LPIN1: variants seen among roughly 807,000 people sequenced by gnomAD.
LPIN1 encodes the protein lipin 1.
Under a neutral mutation model 107.5 loss-of-function variants are expected in LPIN1, and 71 were observed. That is an observed-to-expected ratio of 0.66 (90% confidence interval 0.55 to 0.80). The LOEUF (loss-of-function observed/expected upper bound fraction) is 0.80, where lower values mean the gene tolerates loss of function less well. Ranked by LOEUF, LPIN1 falls within the 30% of genes least tolerant of loss-of-function variation. The probability of loss-of-function intolerance (pLI) is 0.00; values close to 1 mark genes in which losing one functional copy is unlikely to be tolerated. For missense variants in LPIN1, 1,043 were observed against 1,160.6 expected, an observed-to-expected ratio of 0.90 and a Z score of 1.47; for synonymous variants, 445 against 452.6, an observed-to-expected ratio of 0.98 and a Z score of 0.21.
intron 1 of LPIN1, among the ~76,000 whole-genome samples, chr2:11,713,486 A>G (rs1663534229): frequency 6.6e-6 from 1 of 152,088 alleles, no homozygotes; most frequent in Admixed American, 6.5e-5. Context: ...GGCCAGGCTG[A>G]TCTCAAACTC....
intron 17 of LPIN1, among the ~76,000 whole-genome samples, chr2:11,813,961 A>G (rs1466871952): frequency 1.3e-5 from 2 of 152,184 alleles, no homozygotes; most frequent in Non-Finnish European, 2.9e-5. Context: ...TGCTAACGCA[A>G]TAAAGTTGTG....
At chr2:11,724,738 G>C (rs1345022249) in intron 1 of LPIN1, 1 of 698,638 alleles carries the variant, frequency 1.4e-6, no homozygotes, top group East Asian at 1.3e-4. Flanking sequence ...CTCAGGCCCT[G>C]GCTTGCTGAA....
intron 1 of LPIN1, among the ~76,000 whole-genome samples, chr2:11,748,005 C>T (rs1433208713): frequency 2.0e-5 from 3 of 152,182 alleles, no homozygotes; most frequent in African/African-American, 2.4e-5. Context: ...ACCCAGGTCT[C>T]GCTTATCAGC....
At position 11,815,260 on chromosome 2, in the gene LPIN1, C is replaced by A; in HGVS notation, c.2402+20C>A. ...GCACAGGTACCAGGCCTGCTCCCTG[C>A]ACCTCCATCTGTGAGCCTGTTCAGA... On this transcript the variant is annotated intron_variant, in intron 18 of 20. Coordinates refer to ENST00000674199, the MANE Select transcript of LPIN1 (RefSeq NM_001349206.2). The A allele has an allele frequency of 6.2e-7, 1 of 1,613,492 alleles. No individual in the cohort carries two copies. The highest frequency in any genetic ancestry group is 8.5e-7 in the Non-Finnish European group (1 of 1,179,852).
chr2:11,825,005 G>A lies in LPIN1; in HGVS notation c.*214G>A, dbSNP rs1459572599. 3.3e-6 allele frequency: 2 copies of A among 599,848 alleles called. No individual in the cohort carries two copies. Among genetic ancestry groups the A allele is most frequent in the South Asian group, 2.0e-5 (1 of 50,906 alleles). The allele number at this position is 599,848 out of a possible 1,614,324, so 37.2% of individuals were successfully genotyped here. ...GGGAGCACTTTCTAGGCTAGGAGTT[G>A]GGTGCATTTGTACCGTGAAAAGCAT... is the stretch of plus-strand genomic sequence containing the variant. On this transcript the variant is annotated 3_prime_UTR_variant, in exon 21 of 21. Coordinates refer to ENST00000674199, the MANE Select transcript of LPIN1 (RefSeq NM_001349206.2). This position sits in a 1 kb window ranked among gnomAD's most constrained non-coding sequence, Gnocchi z 4.1.
rs79811554 is a variant in LPIN1 at position 11,766,549 on chromosome 2, G to A, written c.192+816G>A. Reference sequence around the variant, plus strand: ...TATTTAATAAGCCACAGGAGAGGTCGTGAGTGTTCAGGAGAGGAAAACATG... The same window carrying A: ...TATTTAATAAGCCACAGGAGAGGTCATGAGTGTTCAGGAGAGGAAAACATG... On this transcript the variant is annotated intron_variant, in intron 2 of 20. Transcript: ENST00000674199. Among the ~76,000 whole-genome samples the A allele has an allele frequency of 3.0e-4, 45 of 152,284 alleles. No homozygotes were observed. In the South Asian group the frequency reaches 8.5e-3, roughly 29 times the overall value.
intron 13 of LPIN1, 118 bp downstream of exon 13, chr2:11,792,124 A>G: frequency 2.3e-6 from 2 of 869,094 alleles, no homozygotes; most frequent in Non-Finnish European, 3.7e-6. Context: ...CTGAGTTTCC[A>G]TGAGCCAGCT....
At chr2:11,805,181 G>A (rs373597064) in intron 17 of LPIN1, 25 bp downstream of exon 17, 37 of 1,550,852 alleles carry the variant, frequency 2.4e-5, no homozygotes, top group Admixed American at 1.8e-4. Context: ...CCTGTTTCCC[G>A]CCTCCTGTGA....
chr2:11,749,805 G>A (rs1380288543), intron 1 of LPIN1, among the ~76,000 whole-genome samples: 1 of 152,200 alleles, frequency 6.6e-6, no homozygotes, highest in Admixed American at 6.5e-5. Context: ...TTTCACACCG[G>A]TGGTCATGGC....
rs1482637878 is a variant in LPIN1, at chr2:11,802,810, G to A, written c.1887-97G>A. 7 of 1,425,290 alleles carry A rather than the reference G, an allele frequency of 4.9e-6. No homozygotes were observed. In the African/African-American group the frequency reaches 9.8e-5, roughly 20 times the overall value. The allele number at this position is 1,425,290 out of a possible 1,614,324, so 88.3% of individuals were successfully genotyped here. A position where few individuals can be genotyped will look rare whatever the true frequency, so the allele number is the denominator to read the frequency against. On this transcript the variant is annotated intron_variant, in intron 14 of 20. Coordinates refer to ENST00000674199, the MANE Select transcript of LPIN1 (RefSeq NM_001349206.2). ...CACCCGAGAGACGGGACTCAGGAGAGACTGGATTGACTTAGTCATTGATTA... is the reference window on the plus strand; with the variant it reads ...CACCCGAGAGACGGGACTCAGGAGAAACTGGATTGACTTAGTCATTGATTA...
intron 12 of LPIN1, among the ~76,000 whole-genome samples, chr2:11,789,192 C>T (rs1675206011): frequency 6.6e-6 from 1 of 152,226 alleles, no homozygotes; most frequent in Admixed American, 6.5e-5. Context: ...TGCCGTCGGT[C>T]AGCCAGTTCA....
rs200886792 is a variant in LPIN1 at position 11,824,596 on chromosome 2, C to T, written c.2622-36C>T. 8 of 1,612,590 alleles carry T rather than the reference C, an allele frequency of 5.0e-6. No homozygotes were observed. In the African/African-American group the frequency reaches 5.3e-5, roughly 11 times the overall value. On this transcript the variant is annotated intron_variant, in intron 20 of 20. Transcript: ENST00000674199. ...GCAGCCCTGGGTGCATAGCTGGTAT[C>T]GCTCAGTGCCAGTGACAATGTCCCT...
intron 1 of LPIN1, among the ~76,000 whole-genome samples, chr2:11,727,789 A>G (rs1172387735): frequency 6.6e-6 from 1 of 152,054 alleles, no homozygotes. Flanking sequence ...TCTGAAATTG[A>G]TTTGCTTATT....
At chr2:11,813,135 G>A (rs866672011) in intron 17 of LPIN1, among the ~76,000 whole-genome samples, 7 of 152,174 alleles carry the variant, frequency 4.6e-5, no homozygotes, top group African/African-American at 7.2e-5. Context: ...TTTGGAGTGC[G>A]ATGAGTACTG....
rs74948236 is a variant in LPIN1 at position 11,803,830 on chromosome 2, A to G, written c.2014-593A>G. On this transcript the variant is annotated intron_variant, in intron 15 of 20. Transcript: ENST00000674199. The surrounding 1 kb of genome is among the most constrained non-coding windows in gnomAD (Gnocchi z 4.2). ...CCAGGAGTCCTGGCACAGAGACTCA[A>G]AACTGCTCAAAAGTCACTTTGTATT... 4.4e-3 allele frequency among the ~76,000 whole-genome samples: 671 copies of G among 152,310 alleles called. 3 individuals are homozygous for G. The highest frequency in any genetic ancestry group is 0.015 in the African/African-American group (639 of 41,542).
intron 17 of LPIN1, 83 bp downstream of exon 17, chr2:11,805,239 A>G (rs1678471160): frequency 9.0e-7 from 1 of 1,111,990 alleles, no homozygotes; most frequent in Non-Finnish European, 1.4e-6. Context: ...TTCCTGTCCC[A>G]GCACGGGGTG....
chr2:11,760,753 C>T (rs1669692314), intron 1 of LPIN1, among the ~76,000 whole-genome samples: 1 of 152,136 alleles, frequency 6.6e-6, no homozygotes, highest in Non-Finnish European at 1.5e-5. Flanking sequence ...GCCCTTATGT[C>T]TCTCGCTTTC....
chr2:11,795,447 A>T lies in LPIN1; in HGVS notation c.1846A>T (p.Ser616Cys). 6.2e-7 allele frequency: 1 copy of T among 1,614,106 alleles called. No individual in the cohort carries two copies. Among genetic ancestry groups the T allele is most frequent in the Non-Finnish European group, 8.5e-7 (1 of 1,180,016 alleles). ...GCAGTGCTTGGCTGGCAAGGCCCAT[A>T]GCACCGGAGAGCAACCGCCGCAGCT... The part of the protein sequence containing the change: ...PEQCLAGKAH[S>C]TGEQPPQLSL... The change falls in exon 14 of 21, where the codon AGC (serine) becomes TGC (cysteine). Residue 616 changes from serine (S) to cysteine (C), a missense_variant. Coordinates refer to ENST00000674199, the MANE Select transcript of LPIN1 (RefSeq NM_001349206.2).
chr2:11,826,873 C>T lies in LPIN1; in HGVS notation c.*2082C>T, dbSNP rs182433960. On this transcript the variant is annotated 3_prime_UTR_variant, in exon 21 of 21. Coordinates refer to ENST00000674199, the MANE Select transcript of LPIN1 (RefSeq NM_001349206.2). ...TCACTGCACCCTGAAACAGAGCATG[C>T]TTTCCAGAAAGTCACACTCTCAGAT... 1.1e-3 allele frequency: 170 copies of T among 152,548 alleles called. No homozygotes were observed. Among genetic ancestry groups the T allele is most frequent in the Middle Eastern group, 6.8e-3 (2 of 294 alleles). The allele number at this position is 152,548 out of a possible 1,614,324, so 9.4% of individuals were successfully genotyped here.
Sources: gnomAD v4.1 joint callset for allele counts (sites outside exome capture counted in the v4.1 genomes callset) on GRCh38, gnomAD v4.1.1 for gene constraint, Gnocchi (gnomAD v3.1) non-coding constraint, MANE v1.5 for transcripts, NCBI Gene and HGNC (gene_info 2026-07-23, HGNC 2026-07-21) for gene names.